Variants in DPP10 observed in about 807,000 individuals in gnomAD.
DPP10 encodes the protein dipeptidyl peptidase like 10, also known as inactive dipeptidyl peptidase 10.
DPP10 carries 33 observed loss-of-function variants against 120.9 expected under a neutral mutation model. The observed-to-expected ratio is 0.27, with a 90% CI of 0.21 to 0.37. The LOEUF (loss-of-function observed/expected upper bound fraction) is 0.37, where lower values mean the gene tolerates loss of function less well. DPP10 is among the 10% of genes least tolerant of loss of function. DPP10 has a pLI of 1.00. For missense variants in DPP10, 816 were observed against 942.8 expected (o/e 0.87, Z 1.76); for synonymous variants, 337 against 326.1 (o/e 1.03, Z -0.36).
At chr2:114,485,081 G>C (rs1681387845) in intron 1 of DPP10, among the ~76,000 whole-genome samples, 1 of 152,102 alleles carries the variant, frequency 6.6e-6, no homozygotes, top group South Asian at 2.1e-4. Flanking sequence ...CTGTGGAGTG[G>C]GTTGGTAAAT....
chr2:115,384,458 GGAA>G (rs1291549496), intron 3 of DPP10, among the ~76,000 whole-genome samples: 1 of 46,478 alleles, frequency 2.2e-5, no homozygotes, highest in Non-Finnish European at 5.8e-5. Context: ...AGAAGAAGAA[GGAA>G]GAAGAAGGAA....
chr2:114,835,841 C>T (rs1288805691), intron 1 of DPP10, among the ~76,000 whole-genome samples: 1 of 152,098 alleles, frequency 6.6e-6, no homozygotes, highest in Non-Finnish European at 1.5e-5. Flanking sequence ...GGAAAAAAGA[C>T]TATATATAAT....
At chr2:114,923,878 AT>A (rs1365874064) in intron 1 of DPP10, among the ~76,000 whole-genome samples, 1 of 152,062 alleles carries the variant, frequency 6.6e-6, no homozygotes, top group Non-Finnish European at 1.5e-5. Flanking sequence ...ATATCTAAGA[AT>A]ATTATTTAAT....
chr2:115,075,702 G>GA, intron 1 of DPP10, among the ~76,000 whole-genome samples: 1 of 125,306 alleles, frequency 8.0e-6, no homozygotes, highest in African/African-American at 2.8e-5. Flanking sequence ...TAGCAATGGT[G>GA]AACTTTTTTT....
chr2:114,792,216 A>C (rs781685411), intron 1 of DPP10, among the ~76,000 whole-genome samples: 24 of 152,208 alleles, frequency 1.6e-4, no homozygotes, highest in Non-Finnish European at 3.1e-4. Context: ...CGGTGTGGGA[A>C]TATAACGCAT....
intron 1 of DPP10, among the ~76,000 whole-genome samples, chr2:114,637,039 C>G (rs1458930730): frequency 6.6e-6 from 1 of 151,778 alleles, no homozygotes; most frequent in African/African-American, 2.4e-5. Flanking sequence ...TTTCTTAATT[C>G]TTTGGATTTT....
chr2:114,850,117 C>A (rs1440880927), intron 1 of DPP10, among the ~76,000 whole-genome samples: 3 of 150,378 alleles, frequency 2.0e-5, no homozygotes, highest in African/African-American at 7.3e-5. Flanking sequence ...AACTTCTGGG[C>A]TCAAGTGATC....
At chr2:115,511,608 G>A (rs966913374) in intron 4 of DPP10, among the ~76,000 whole-genome samples, 2 of 149,780 alleles carry the variant, frequency 1.3e-5, no homozygotes, top group Non-Finnish European at 3.0e-5. Context: ...CTGCTTGCTT[G>A]TGTTAGTTTC....
intron 1 of DPP10, among the ~76,000 whole-genome samples, chr2:114,577,101 G>T (rs562789581): frequency 1.3e-5 from 2 of 152,286 alleles, no homozygotes; most frequent in African/African-American, 4.8e-5. Context: ...AATAAAGTTG[G>T]CAGGACTGCA....
At chr2:115,594,384 T>TA (rs1326340465) in intron 5 of DPP10, among the ~76,000 whole-genome samples, 11 of 152,120 alleles carry the variant, frequency 7.2e-5, no homozygotes, top group Admixed American at 4.6e-4. Context: ...ACTCAGTTGT[T>TA]AAAAGCTATA....
intron 3 of DPP10, among the ~76,000 whole-genome samples, chr2:115,458,250 C>T (rs1449353959): frequency 6.6e-6 from 1 of 151,960 alleles, no homozygotes; most frequent in Non-Finnish European, 1.5e-5. Context: ...AGCCTCTTAC[C>T]ATAGGGATGA....
chr2:115,614,202 G>T (rs1018365725), intron 5 of DPP10, among the ~76,000 whole-genome samples: 1 of 152,140 alleles, frequency 6.6e-6, no homozygotes, highest in Non-Finnish European at 1.5e-5. Context: ...TTATTTTAGA[G>T]ACCAGCTCTC....
At chr2:115,194,898 C>G (rs1439880529) in intron 1 of DPP10, among the ~76,000 whole-genome samples, 1 of 152,128 alleles carries the variant, frequency 6.6e-6, no homozygotes, top group East Asian at 1.9e-4. Context: ...CTCGGGTCCC[C>G]TTTGGAAAAC....
chr2:115,478,916 T>C (rs1214544637), intron 3 of DPP10, among the ~76,000 whole-genome samples: 2 of 152,180 alleles, frequency 1.3e-5, no homozygotes, highest in Non-Finnish European at 2.9e-5. Context: ...TATTTGGTGA[T>C]GACGTGGAGA....
chr2:114,847,012 A>C (rs1444012906), intron 1 of DPP10, among the ~76,000 whole-genome samples: 2 of 152,110 alleles, frequency 1.3e-5, no homozygotes, highest in East Asian at 1.9e-4. Flanking sequence ...GTTTCTAGTT[A>C]GTTTCAGTAT....
chr2:114,802,521 G>A (rs946080003), intron 1 of DPP10, among the ~76,000 whole-genome samples: 1 of 152,006 alleles, frequency 6.6e-6, no homozygotes, highest in African/African-American at 2.4e-5. Flanking sequence ...ATAACCCACA[G>A]ACATTTAGAA....
At chr2:115,827,565 A>G (rs1688504313) in intron 21 of DPP10, among the ~76,000 whole-genome samples, 1 of 150,336 alleles carries the variant, frequency 6.7e-6, no homozygotes, top group Non-Finnish European at 1.5e-5. Context: ...TGCATTTAAA[A>G]GTCAGTTATT....
intron 3 of DPP10, among the ~76,000 whole-genome samples, chr2:115,354,088 C>A (rs2064210527): frequency 6.6e-6 from 1 of 151,968 alleles, no homozygotes; most frequent in Admixed American, 6.6e-5. Flanking sequence ...AAAAAGAAGT[C>A]ATTGCAGATA....
Position 114,577,362 on chromosome 2 carries a change from G to T in DPP10, c.60+134524G>T, listed in dbSNP as rs556218167. On this transcript the variant is annotated intron_variant, in intron 1 of 25. Transcript: ENST00000410059. The stretch of plus-strand genomic sequence containing the variant: ...GTTTGCGAGTTCCCTTGGCCAACAG[G>T]CCTTCCTGTAGAGAACATTGGGAGG... Among the ~76,000 whole-genome samples, 5 of 152,284 alleles carry T rather than the reference G, an allele frequency of 3.3e-5. 1 individual carries two copies. In the South Asian group the frequency reaches 1.0e-3, roughly 32 times the overall value.
Sources: allele counts gnomAD v4.1 joint callset (sites outside exome capture counted in the v4.1 genomes callset), GRCh38; gene constraint gnomAD v4.1.1; transcripts MANE v1.5; gene names NCBI Gene and HGNC (gene_info 2026-07-23, HGNC 2026-07-21).